The following PDLIM5 variants were observed in gnomAD, a reference collection of about 807,000 sequenced individuals.
The protein encoded by PDLIM5 is PDZ and LIM domain 5, also known as PDZ and LIM domain protein 5.
Under a neutral mutation model 64.2 loss-of-function variants are expected in PDLIM5, and 34 were observed. The observed-to-expected ratio is 0.53, with a 90% CI of 0.40 to 0.71. PDLIM5 has a LOEUF of 0.71. Among genes scored for constraint, PDLIM5 ranks in the 30% least tolerant of loss-of-function variants. The pLI is 0.00. For synonymous variants in PDLIM5, 253 were observed against 269.1 expected (o/e 0.94, Z 0.59); for missense variants, 683 against 733.6 (o/e 0.93, Z 0.80).
intron 4 of PDLIM5, among the ~76,000 whole-genome samples, chr4:94,575,201 A>C (rs951885761): frequency 6.6e-6 from 1 of 152,102 alleles, no homozygotes; most frequent in African/African-American, 2.4e-5. Flanking sequence ...GCTTTGAAAG[A>C]TGGAAAGATG....
chr4:94,609,185 G>A (rs191434599), intron 7 of PDLIM5, among the ~76,000 whole-genome samples: 29 of 152,240 alleles, frequency 1.9e-4, no homozygotes, highest in Admixed American at 1.0e-3. Context: ...AGTTTGCCAC[G>A]TAATTACTTT....
chr4:94,525,830 A>G (rs1257587872), intron 3 of PDLIM5, among the ~76,000 whole-genome samples: 3 of 152,244 alleles, frequency 2.0e-5, no homozygotes, highest in Non-Finnish European at 4.4e-5. Context: ...TATTAGCTAT[A>G]CATTTTAATG....
At chr4:94,559,457 GAA>G (rs1400149715) in intron 3 of PDLIM5, among the ~76,000 whole-genome samples, 1 of 152,186 alleles carries the variant, frequency 6.6e-6, no homozygotes, top group African/African-American at 2.4e-5. Context: ...GAAGAGCAGT[GAA>G]TCATGCTACA....
intron 3 of PDLIM5, among the ~76,000 whole-genome samples, chr4:94,567,140 C>T (rs2201091): frequency 0.98 from 149,141 of 152,248 alleles, 73,063 homozygotes; most frequent in East Asian, 1. Flanking sequence ...CTACAGGCGC[C>T]CGCCACCACA....
At chr4:94,472,046 T>G (rs1454986899) in intron 2 of PDLIM5, among the ~76,000 whole-genome samples, 3 of 152,314 alleles carry the variant, frequency 2.0e-5, no homozygotes, top group Admixed American at 1.3e-4. Flanking sequence ...GAAATAATAT[T>G]TCTAGATGCC....
chr4:94,453,998 C>A, intron 1 of PDLIM5, among the ~76,000 whole-genome samples: 1 of 152,124 alleles, frequency 6.6e-6, no homozygotes, highest in Non-Finnish European at 1.5e-5. Context: ...TGTTTTGCCC[C>A]ATTTTCCCTT....
chr4:94,647,471 A>C (rs1419984596), intron 9 of PDLIM5, among the ~76,000 whole-genome samples: 1 of 152,162 alleles, frequency 6.6e-6, no homozygotes, highest in Non-Finnish European at 1.5e-5. Context: ...ACACATATTT[A>C]CCTAACAGCA....
chr4:94,630,715 CTT>C (rs1740080376), intron 8 of PDLIM5, among the ~76,000 whole-genome samples: 1 of 152,022 alleles, frequency 6.6e-6, no homozygotes, highest in Non-Finnish European at 1.5e-5. Flanking sequence ...TTTCTTCTGA[CTT>C]AATGAGAATG....
chr4:94,638,945 A>G (rs1740787025), intron 8 of PDLIM5, among the ~76,000 whole-genome samples: 1 of 152,230 alleles, frequency 6.6e-6, no homozygotes, highest in African/African-American at 2.4e-5. Flanking sequence ...ACAGAAATAT[A>G]TAGCAGAAAC....
chr4:94,506,463 T>G (rs1728406743), intron 2 of PDLIM5, among the ~76,000 whole-genome samples: 1 of 152,168 alleles, frequency 6.6e-6, no homozygotes, highest in Non-Finnish European at 1.5e-5. Context: ...TCACTTTGCT[T>G]CAGGATGGTA....
intron 9 of PDLIM5, among the ~76,000 whole-genome samples, chr4:94,651,258 T>C (rs1741824924): frequency 6.6e-6 from 1 of 152,202 alleles, no homozygotes; most frequent in African/African-American, 2.4e-5. Flanking sequence ...GTTAGGCCAG[T>C]AGTTGCCCTG....
At chr4:94,611,097 C>T (rs1454898130) in intron 7 of PDLIM5, 4 of 1,534,384 alleles carry the variant, frequency 2.6e-6, no homozygotes, top group Non-Finnish European at 3.5e-6. Context: ...ATATCACTCA[C>T]TCCTGGATGC....
chr4:94,554,654 A>G (rs1347406094), intron 3 of PDLIM5, among the ~76,000 whole-genome samples: 1 of 152,238 alleles, frequency 6.6e-6, no homozygotes, highest in Non-Finnish European at 1.5e-5. Flanking sequence ...TGCATATGAT[A>G]TAAGAGCATG....
chr4:94,659,673 A>G (rs1045818694), intron 11 of PDLIM5, among the ~76,000 whole-genome samples: 3 of 151,188 alleles, frequency 2.0e-5, no homozygotes, highest in South Asian at 4.2e-4. Context: ...GACTACAGGC[A>G]CCCGCCACCA....
At chr4:94,535,802 T>G (rs1731269132) in intron 3 of PDLIM5, among the ~76,000 whole-genome samples, 1 of 151,132 alleles carries the variant, frequency 6.6e-6, no homozygotes, top group Non-Finnish European at 1.5e-5. Flanking sequence ...CTCACAGTGC[T>G]GGGCACTGGC....
intron 3 of PDLIM5, among the ~76,000 whole-genome samples, chr4:94,571,080 T>TA (rs1318541875): frequency 6.6e-6 from 1 of 152,240 alleles, no homozygotes; most frequent in Non-Finnish European, 1.5e-5. Context: ...ATACCTTAAG[T>TA]ATAACACTGC....
chr4:94,637,224 G>A (rs1314978931), intron 8 of PDLIM5, among the ~76,000 whole-genome samples: 1 of 152,086 alleles, frequency 6.6e-6, no homozygotes, highest in South Asian at 2.1e-4. Flanking sequence ...TAAAAAAGTG[G>A]TACTAATAAC....
intron 2 of PDLIM5, among the ~76,000 whole-genome samples, chr4:94,522,134 A>G (rs1225843396): frequency 6.6e-6 from 1 of 152,186 alleles, no homozygotes; most frequent in African/African-American, 2.4e-5. Flanking sequence ...CAGATCAGTA[A>G]TCTGAGGTCA....
intron 4 of PDLIM5, 54 bp from the exon 5 acceptor site, chr4:94,575,562 T>C (rs1735171436): frequency 1.7e-6 from 2 of 1,205,742 alleles, no homozygotes; most frequent in South Asian, 3.0e-5. Flanking sequence ...CGGTGAAATA[T>C]ATTTTGCATG....
Sources: allele counts gnomAD v4.1 joint callset (sites outside exome capture counted in the v4.1 genomes callset), GRCh38; gene constraint gnomAD v4.1.1; transcripts MANE v1.5; gene names NCBI Gene and HGNC (gene_info 2026-07-23, HGNC 2026-07-21).